Variants in VKORC1L1 observed in about 807,000 individuals in gnomAD.
VKORC1L1 encodes vitamin K epoxide reductase complex subunit 1L1, also known as vitamin K epoxide reductase complex subunit 1-like protein 1.
Under a neutral mutation model 18.9 loss-of-function variants are expected in VKORC1L1, and 2 were observed. That is an observed-to-expected ratio of 0.11 (90% CI 0.04 to 0.33). VKORC1L1 has a LOEUF of 0.33. Among genes scored for constraint, VKORC1L1 ranks in the 10% least tolerant of loss-of-function variants. The probability of loss-of-function intolerance (pLI) is 1.00; values close to 1 mark genes in which losing one functional copy is unlikely to be tolerated. For synonymous variants in VKORC1L1, 96 were observed against 100.0 expected (o/e 0.96, Z 0.24); for missense variants, 123 against 224.1 (o/e 0.55, Z 2.88).
chr7:65,890,067 C>T (rs987419316), intron 1 of VKORC1L1, among the ~76,000 whole-genome samples: 7 of 151,970 alleles, frequency 4.6e-5, no homozygotes, highest in African/African-American at 1.7e-4. Flanking sequence ...AAGCAATTCT[C>T]CTGCCTCAGC....
At chr7:65,947,380 A>G (rs1790137169) in intron 1 of VKORC1L1, among the ~76,000 whole-genome samples, 1 of 149,552 alleles carries the variant, frequency 6.7e-6, no homozygotes. Context: ...GATTTTGTTT[A>G]GACTGATTCT....
At chr7:65,890,741 C>T (rs920859004) in intron 1 of VKORC1L1, among the ~76,000 whole-genome samples, 2 of 152,224 alleles carry the variant, frequency 1.3e-5, no homozygotes, top group African/African-American at 4.8e-5. Context: ...TGTTTATCCA[C>T]CTCTTTGCCA....
At position 65,917,967 on chromosome 7, in the gene VKORC1L1, G is replaced by A. The variant is rs376440323; in HGVS notation, c.195-30704G>A. On this transcript the variant is annotated intron_variant, in intron 1 of 2. Transcript: ENST00000360768. ...CTTGGTGTCACAACTGGGCAGGGTC[G>A]CGATAGGTTAGTAGTGACATCTAGC... Among the ~76,000 whole-genome samples the A allele has an allele frequency of 7.0e-4, 106 of 152,266 alleles. 1 individual carries two copies. Among genetic ancestry groups the A allele is most frequent in the African/African-American group, 2.5e-3 (102 of 41,552 alleles).
chr7:65,889,326 C>CT (rs1408367429), intron 1 of VKORC1L1, among the ~76,000 whole-genome samples: 1 of 152,174 alleles, frequency 6.6e-6, no homozygotes, highest in East Asian at 1.9e-4. Flanking sequence ...TGTCCCAAAA[C>CT]TAATAAATTC....
At chr7:65,896,379 CATAA>C (rs1562987073) in intron 1 of VKORC1L1, among the ~76,000 whole-genome samples, 1 of 152,022 alleles carries the variant, frequency 6.6e-6, no homozygotes, top group African/African-American at 2.4e-5. Context: ...GTTTGGTGGA[CATAA>C]ATACTCATTT....
chr7:65,879,852 TTTC>T (rs1788898809), intron 1 of VKORC1L1, among the ~76,000 whole-genome samples: 1 of 151,886 alleles, frequency 6.6e-6, no homozygotes, highest in Non-Finnish European at 1.5e-5. Flanking sequence ...CTTTCTTTTC[TTTC>T]TTCTTTAACT....
intron 1 of VKORC1L1, among the ~76,000 whole-genome samples, chr7:65,895,477 AAAAATATATATATATATAT>A (rs1401307445): frequency 5.3e-5 from 2 of 38,080 alleles, no homozygotes; most frequent in Non-Finnish European, 8.3e-5. Flanking sequence ...AAAAAAAAAA[AAAAATATATATATATATAT>A]ATATATATAT....
chr7:65,899,175 G>A (rs550524284), intron 1 of VKORC1L1, among the ~76,000 whole-genome samples: 96 of 152,316 alleles, frequency 6.3e-4, no homozygotes, highest in African/African-American at 2.2e-3. Context: ...TTTGAAGCCT[G>A]GTTTATGACA....
intron 1 of VKORC1L1, among the ~76,000 whole-genome samples, chr7:65,935,037 G>A (rs370927823): frequency 6.9e-6 from 1 of 145,444 alleles, no homozygotes; most frequent in Admixed American, 6.9e-5. Flanking sequence ...CTGGGTGACA[G>A]TGTGAGATTA....
At chr7:65,936,507 T>C (rs547004046) in intron 1 of VKORC1L1, among the ~76,000 whole-genome samples, 1 of 152,332 alleles carries the variant, frequency 6.6e-6, no homozygotes, top group Admixed American at 6.5e-5. Context: ...TCAATGCCAG[T>C]TTTATTTTAA....
Position 65,907,889 on chromosome 7 carries a change from T to C in VKORC1L1, c.194+34324T>C, listed in dbSNP as rs1366532723. The stretch of plus-strand genomic sequence containing the variant: ...TTCAAGATCTTCCCTCATCAGTTTT[T>C]TTTTTTCCCGTATCAAAGACAACAG... On this transcript the variant is annotated intron_variant, in intron 1 of 2. Coordinates refer to ENST00000360768, the MANE Select transcript of VKORC1L1 (RefSeq NM_173517.6). 5.3e-5 allele frequency among the ~76,000 whole-genome samples: 8 copies of C among 152,256 alleles called. No homozygotes were observed. The South Asian group carries it at 1.7e-3, about 32-fold the overall frequency.
intron 1 of VKORC1L1, among the ~76,000 whole-genome samples, chr7:65,904,205 TAGTC>T (rs1170639825): frequency 6.6e-6 from 1 of 152,086 alleles, no homozygotes; most frequent in African/African-American, 2.4e-5. Flanking sequence ...TAAGAAACCT[TAGTC>T]AGGTTATTTA....
chr7:65,878,183 C>T (rs1486423210), intron 1 of VKORC1L1, among the ~76,000 whole-genome samples: 6 of 152,088 alleles, frequency 3.9e-5, no homozygotes, highest in Non-Finnish European at 7.3e-5. Context: ...TAGTGGTTCA[C>T]GCCTGTAATC....
chr7:65,900,502 C>T (rs7791814), intron 1 of VKORC1L1, among the ~76,000 whole-genome samples: 78,575 of 151,902 alleles, frequency 0.52, 21,275 homozygotes, highest in East Asian at 0.81. Context: ...TGGTTGTATA[C>T]GTATAAAACT....
intron 1 of VKORC1L1, among the ~76,000 whole-genome samples, chr7:65,944,836 G>A (rs1317769478): frequency 6.6e-6 from 1 of 151,476 alleles, no homozygotes; most frequent in Non-Finnish European, 1.5e-5. Context: ...AAAATTGCTT[G>A]AGACTGGGAG....
chr7:65,908,611 G>A (rs28678527), intron 1 of VKORC1L1, among the ~76,000 whole-genome samples: 6,539 of 151,760 alleles, frequency 0.043, 473 homozygotes, highest in African/African-American at 0.15. Flanking sequence ...GTCAAGGCAG[G>A]TGGATCACGA....
chr7:65,951,099 G>A (rs1448127535), intron 2 of VKORC1L1, among the ~76,000 whole-genome samples: 2 of 151,896 alleles, frequency 1.3e-5, no homozygotes, highest in African/African-American at 4.8e-5. Flanking sequence ...TTTTTCATTC[G>A]CATTTTTTGA....
intron 1 of VKORC1L1, among the ~76,000 whole-genome samples, chr7:65,909,055 A>T (rs959211597): frequency 2.1e-5 from 3 of 144,740 alleles, no homozygotes; most frequent in African/African-American, 7.6e-5. Context: ...GGATCACCTG[A>T]GGTTGGGAGT....
intron 1 of VKORC1L1, among the ~76,000 whole-genome samples, chr7:65,934,921 G>T (rs924482247): frequency 3.9e-5 from 6 of 151,988 alleles, no homozygotes; most frequent in Non-Finnish European, 4.4e-5. Flanking sequence ...GGGCGTGGTG[G>T]TGGGTGCCTG....
Sources: allele counts gnomAD v4.1 joint callset (sites outside exome capture counted in the v4.1 genomes callset), GRCh38; gene constraint gnomAD v4.1.1; transcripts MANE v1.5; gene names NCBI Gene and HGNC (gene_info 2026-07-23, HGNC 2026-07-21).